UGGT1: variants seen among roughly 807,000 people sequenced by gnomAD.
The protein encoded by UGGT1 is UDP-glucose glycoprotein glucosyltransferase 1, also known as UDP-glucose:glycoprotein glucosyltransferase 1.
UGGT1 carries 107 observed loss-of-function variants against 203.9 expected under a neutral mutation model. The ratio of observed to expected loss-of-function variants is 0.52; its 90% CI spans 0.45 to 0.62. The LOEUF (loss-of-function observed/expected upper bound fraction) is 0.62, where lower values mean the gene tolerates loss of function less well. UGGT1 is among the 20% of genes least tolerant of loss of function. The pLI, the probability that UGGT1 is intolerant of heterozygous loss-of-function variation, is 0.00. For synonymous variants in UGGT1, 628 were observed against 653.5 expected, an observed-to-expected ratio of 0.96 and a Z score of 0.59; for missense variants, 1,673 against 1,867.2, an observed-to-expected ratio of 0.90 and a Z score of 1.92.
chr2:128,111,059 A>G (rs563072817), intron 5 of UGGT1, among the ~76,000 whole-genome samples: 1 of 152,298 alleles, frequency 6.6e-6, no homozygotes, highest in South Asian at 2.1e-4. Flanking sequence ...TTTATGAGGA[A>G]AACTGAAATG....
intron 29 of UGGT1, 38 bp from the exon 30 acceptor site, chr2:128,173,741 GTC>G: frequency 6.2e-7 from 1 of 1,603,276 alleles, no homozygotes; most frequent in Non-Finnish European, 8.5e-7. Flanking sequence ...TATTCATGTT[GTC>G]TCTGAGTGCA....
intron 34 of UGGT1, 28 bp downstream of exon 34, chr2:128,178,597 TATG>T (rs3217587): frequency 0.43 from 679,643 of 1,571,410 alleles, 149,498 homozygotes; most frequent in South Asian, 0.57. Context: ...TTTCATTATA[TATG>T]ATGAATGAAT....
At chr2:128,122,827 C>T (rs1166434467) in intron 10 of UGGT1, among the ~76,000 whole-genome samples, 1 of 152,162 alleles carries the variant, frequency 6.6e-6, no homozygotes, top group Non-Finnish European at 1.5e-5. Context: ...TCCACCTCCA[C>T]CATAAGTGCT....
intron 4 of UGGT1, 112 bp from the exon 5 acceptor site, chr2:128,109,522 A>C (rs1411597136): frequency 9.3e-6 from 8 of 859,114 alleles, no homozygotes; most frequent in Admixed American, 2.0e-5. Context: ...ACACTCAGCC[A>C]GTTTCAACAA....
At chr2:128,120,552 G>A in intron 9 of UGGT1, 96 bp downstream of exon 9, 1 of 875,824 alleles carries the variant, frequency 1.1e-6, no homozygotes, top group Non-Finnish European at 1.8e-6. Flanking sequence ...TGTAGTACGT[G>A]ATTCTGAAGG....
At chr2:128,105,911 C>G (rs1687586946) in intron 3 of UGGT1, among the ~76,000 whole-genome samples, 1 of 151,982 alleles carries the variant, frequency 6.6e-6, no homozygotes, top group South Asian at 2.1e-4. Context: ...AGTGTTCCTG[C>G]TTCATCTTCC....
intron 5 of UGGT1, among the ~76,000 whole-genome samples, chr2:128,112,349 A>G (rs746301617): frequency 6.8e-6 from 1 of 146,166 alleles, no homozygotes; most frequent in Non-Finnish European, 1.5e-5. Context: ...TGAACCCAGG[A>G]GGGAGAGTTG....
chr2:128,152,785 G>T lies in UGGT1; in HGVS notation c.2018G>T (p.Gly673Val). The T allele has an allele frequency of 1.9e-6, 3 of 1,594,778 alleles. No individual in the cohort carries two copies. The highest frequency in any genetic ancestry group is 1.8e-5 in the Admixed American group (1 of 54,858). Reference protein sequence around the residue: ...TTFFQRAVYLGELPHDQDVVE... With the variant: ...TTFFQRAVYLVELPHDQDVVE... The stretch of plus-strand genomic sequence containing the variant: ...CAACCTCCTTTTTTTTTCTTGCAGG[G>T]TGAACTGCCCCATGATCAAGATGTG... Residue 673 changes from glycine to valine, a missense_variant and splice_region_variant, in exon 19 of 41, where the codon GGT (glycine) becomes GTT (valine). Coordinates refer to ENST00000259253, the MANE Select transcript of UGGT1 (RefSeq NM_020120.4).
chr2:128,182,084 A>C, intron 36 of UGGT1, 46 bp from the exon 37 acceptor site: 1 of 1,593,134 alleles, frequency 6.3e-7, no homozygotes, highest in Non-Finnish European at 8.6e-7. Context: ...ACCGCATTAG[A>C]GCTGTCTGCA....
At position 128,161,250 on chromosome 2, in the gene UGGT1, T is replaced by A; in HGVS notation, c.2807T>A (p.Leu936His). Residue 936 changes from leucine (L) to histidine (H), a missense_variant, in exon 25 of 41, where the codon CTT becomes CAT. Coordinates refer to ENST00000259253, the MANE Select transcript of UGGT1 (RefSeq NM_020120.4). ...AAAATAAAATCTCATATTCAACAGCTTCGGGTAGAAGAAGATGTGTAAGTT... is the reference window on the plus strand; with the variant it reads ...AAAATAAAATCTCATATTCAACAGCATCGGGTAGAAGAAGATGTGTAAGTT... Reference protein sequence around the residue: ...GQKIKSHIQQLRVEEDVASDL... With the variant: ...GQKIKSHIQQHRVEEDVASDL... The A allele has an allele frequency of 6.2e-7, 1 of 1,613,850 alleles. No individual in the cohort carries two copies. The highest frequency in any genetic ancestry group is 8.5e-7 in the Non-Finnish European group (1 of 1,179,884).
chr2:128,134,733 T>C, intron 14 of UGGT1, 143 bp from the exon 15 acceptor site: 1 of 658,924 alleles, frequency 1.5e-6, no homozygotes, highest in Admixed American at 2.4e-5. Context: ...AGGTAGCTGC[T>C]ATGTGTGTAA....
intron 36 of UGGT1, 147 bp downstream of exon 36, chr2:128,181,219 A>G: frequency 1.3e-6 from 1 of 757,928 alleles, no homozygotes; most frequent in South Asian, 2.0e-5. Flanking sequence ...AGATGTCATC[A>G]CTTTTTAAAT....
At chr2:128,128,017 T>G (rs998556695) in intron 12 of UGGT1, among the ~76,000 whole-genome samples, 1 of 152,002 alleles carries the variant, frequency 6.6e-6, no homozygotes, top group Non-Finnish European at 1.5e-5. Context: ...GAGGTTGCAG[T>G]GAGCTGAGAT....
At chr2:128,133,032 T>G (rs1688956692) in intron 13 of UGGT1, 109 bp from the exon 14 acceptor site, 3 of 1,367,498 alleles carry the variant, frequency 2.2e-6, no homozygotes, top group Non-Finnish European at 3.0e-6. Flanking sequence ...GAAAATGGTC[T>G]TGTCTCACAT....
In UGGT1 at chr2:128,180,948, A is replaced by G. The variant is rs747421699; in HGVS notation, c.3959A>G (p.Lys1320Arg). Residue 1320 changes from lysine (K) to arginine (R), a missense_variant, in exon 36 of 41, where the codon AAA (lysine) becomes AGA (arginine). Physicochemically the swap from Lys to Arg is conservative, Grantham distance 26 (BLOSUM62 2). Transcript: ENST00000259253. ...TTCCAGTATGAGCTTGTTCAGTACA[A>G]ATGGCCCCGGTGGCTTCATCAACAA... ...YNFQYELVQY[K>R]WPRWLHQQTE... is the part of the protein sequence containing the mutation. The G allele has an allele frequency of 1.2e-5, 20 of 1,614,100 alleles. No individual in the cohort carries two copies. The highest frequency in any genetic ancestry group is 1.5e-5 in the Non-Finnish European group (18 of 1,180,040).
At chr2:128,127,218 A>G (rs1688647354) in intron 11 of UGGT1, 143 bp from the exon 12 acceptor site, 3 of 626,422 alleles carry the variant, frequency 4.8e-6, no homozygotes, top group South Asian at 2.0e-5. Context: ...CTTACTTGCC[A>G]TTGAATCCCA....
chr2:128,183,665 C>T lies in UGGT1; in HGVS notation c.4245-10C>T. 1 of 1,608,344 alleles carries T rather than the reference C, an allele frequency of 6.2e-7. No homozygotes were observed. The highest frequency in any genetic ancestry group is 8.5e-7 in the Non-Finnish European group (1 of 1,174,984). On this transcript the variant is annotated splice_polypyrimidine_tract_variant and intron_variant, in intron 37 of 40. Coordinates refer to ENST00000259253, the MANE Select transcript of UGGT1 (RefSeq NM_020120.4). ...TGGTTGGTTGTAACAAGCGGGTCTT[C>T]TTTATTCAGTGCACTATATGTTGTG...
chr2:128,091,776 A>G (rs994102960), intron 1 of UGGT1, among the ~76,000 whole-genome samples: 1 of 152,178 alleles, frequency 6.6e-6, no homozygotes, highest in African/African-American at 2.4e-5. Flanking sequence ...CTGATTGCAG[A>G]ACGACGTGCT....
chr2:128,187,529 G>A lies in UGGT1; in HGVS notation c.4557G>A (p.Glu1519=). The A allele has an allele frequency of 6.2e-7, 1 of 1,614,156 alleles. No homozygotes were observed. Among genetic ancestry groups the A allele is most frequent in the Non-Finnish European group, 8.5e-7 (1 of 1,180,026 alleles). Residue 1519 remains glutamate, a synonymous_variant, in exon 40 of 41, where the codon GAG becomes GAA. Coordinates refer to ENST00000259253, the MANE Select transcript of UGGT1 (RefSeq NM_020120.4). ...IVPEWQDYDQ[E]IKQLQIRFQK... is the part of the protein sequence containing the mutation. ...CGGAGTGGCAGGACTACGACCAAGA[G>A]ATCAAACAGCTACAGATCCGCTTTC...
Sources: allele counts gnomAD v4.1 joint callset (sites outside exome capture counted in the v4.1 genomes callset), GRCh38; gene constraint gnomAD v4.1.1; transcripts MANE v1.5; gene names NCBI Gene and HGNC (gene_info 2026-07-23, HGNC 2026-07-21).